The following ATG16L1 variants were observed in gnomAD, a reference collection of about 807,000 sequenced individuals.
ATG16L1 encodes autophagy-related protein 16-1.
ATG16L1 carries 37 observed loss-of-function variants against 88.5 expected under a neutral mutation model. The ratio of observed to expected loss-of-function variants is 0.42; its 90% CI spans 0.32 to 0.55. The LOEUF is 0.55. Among genes scored for constraint, ATG16L1 ranks in the 20% least tolerant of loss-of-function variants. The probability of loss-of-function intolerance (pLI) is 0.13; values close to 1 mark genes in which losing one functional copy is unlikely to be tolerated. For missense variants in ATG16L1, 554 were observed against 752.8 expected (o/e 0.74, Z 3.09); for synonymous variants, 301 against 281.0 (o/e 1.07, Z -0.71).
At chr2:233,278,619 A>C (rs1394432419) in intron 10 of ATG16L1, among the ~76,000 whole-genome samples, 1 of 152,200 alleles carries the variant, frequency 6.6e-6, no homozygotes, top group Non-Finnish European at 1.5e-5. Flanking sequence ...GAGTGGTGGA[A>C]CTAGGACTAA....
At chr2:233,253,836 G>T (rs2125191311) in intron 1 of ATG16L1, among the ~76,000 whole-genome samples, 1 of 152,308 alleles carries the variant, frequency 6.6e-6, no homozygotes, top group East Asian at 1.9e-4. Context: ...AGCACAAGAA[G>T]TCCCTCTTCC....
intron 2 of ATG16L1, 61 bp from the exon 3 acceptor site, chr2:233,263,069 T>G: frequency 7.1e-7 from 1 of 1,410,590 alleles, no homozygotes. Context: ...AGGTTTGGAG[T>G]CTCATTTTTC....
At chr2:233,262,390 A>G (rs538717860) in intron 2 of ATG16L1, among the ~76,000 whole-genome samples, 36 of 152,288 alleles carry the variant, frequency 2.4e-4, no homozygotes, top group African/African-American at 8.4e-4. Flanking sequence ...GCCCTCCAGC[A>G]GCTTCCCTTC....
At chr2:233,286,621 C>CTTTTTTTTTTTTTTTTT (rs10676895) in intron 12 of ATG16L1, among the ~76,000 whole-genome samples, 22 of 93,296 alleles carry the variant, frequency 2.4e-4, no homozygotes, top group African/African-American at 1.0e-3. Flanking sequence ...GAAGCCCAAA[C>CTTTTTTTTTTTTTTTTT]TTTTTTTTTT....
At chr2:233,284,628 A>G (rs7595856) in intron 12 of ATG16L1, among the ~76,000 whole-genome samples, 42,065 of 152,002 alleles carry the variant, frequency 0.28, 6,915 homozygotes, top group African/African-American at 0.46. Flanking sequence ...CACTGCGCCT[A>G]GCCCAATTTT....
Position 233,294,412 on chromosome 2 carries a change from C to G in ATG16L1, c.*62C>G. On this transcript the variant is annotated 3_prime_UTR_variant, in exon 18 of 18. Coordinates refer to ENST00000392017, the MANE Select transcript of ATG16L1 (RefSeq NM_030803.7). ...CTCAGAAGAAGCACATGGGCTCCTGCAGCCCTGTCCTGGCAGGTGATGTGC... is the reference window on the plus strand; with the variant it reads ...CTCAGAAGAAGCACATGGGCTCCTGGAGCCCTGTCCTGGCAGGTGATGTGC... The G allele has an allele frequency of 3.0e-6, 4 of 1,350,852 alleles. No homozygotes were observed. Among genetic ancestry groups the G allele is most frequent in the South Asian group, 1.2e-5 (1 of 82,834 alleles). 83.7% of individuals were successfully genotyped at this position (1,350,852 alleles called of 1,614,324 possible). A position where few individuals can be genotyped will look rare whatever the true frequency, so the allele number is the denominator to read the frequency against.
chr2:233,273,373 T>C, intron 7 of ATG16L1: 2 of 490,672 alleles, frequency 4.1e-6, no homozygotes, highest in East Asian at 3.4e-5. Flanking sequence ...TACTAGGGCT[T>C]CCCCCCGCCC....
At chr2:233,271,883 T>G (rs967136932) in intron 6 of ATG16L1, among the ~76,000 whole-genome samples, 26 of 152,350 alleles carry the variant, frequency 1.7e-4, no homozygotes, top group African/African-American at 6.3e-4. Context: ...CTTGTCCTTT[T>G]TCTTTCGACC....
At chr2:233,270,336 A>G (rs1277788370) in intron 6 of ATG16L1, among the ~76,000 whole-genome samples, 2 of 152,160 alleles carry the variant, frequency 1.3e-5, no homozygotes, top group African/African-American at 4.8e-5. Context: ...TATCATTTTA[A>G]TTGTATTTTG....
rs778774063 is a variant in ATG16L1 at position 233,294,395 on chromosome 2, A to C, written c.*45A>C. 2.0e-6 allele frequency: 3 copies of C among 1,504,856 alleles called. No individual in the cohort carries two copies. The highest frequency in any genetic ancestry group is 2.3e-5 in the East Asian group (1 of 44,208). The allele number at this position is 1,504,856 out of a possible 1,614,324, so 93.2% of individuals were successfully genotyped here. ...AGGACCCCAGTGCCCTCCTCAGAAG[A>C]AGCACATGGGCTCCTGCAGCCCTGT... On this transcript the variant is annotated 3_prime_UTR_variant, in exon 18 of 18. Coordinates refer to ENST00000392017, the MANE Select transcript of ATG16L1 (RefSeq NM_030803.7).
chr2:233,260,910 C>T (rs1055267818), intron 2 of ATG16L1, among the ~76,000 whole-genome samples: 2 of 152,144 alleles, frequency 1.3e-5, no homozygotes, highest in South Asian at 4.1e-4. Flanking sequence ...TTAACACTTT[C>T]CATCGTCACT....
chr2:233,271,309 A>G (rs1250395229), intron 6 of ATG16L1, among the ~76,000 whole-genome samples: 1 of 151,946 alleles, frequency 6.6e-6, no homozygotes, highest in Non-Finnish European at 1.5e-5. Context: ...ATGGAGTTTC[A>G]CTCTTGTGGC....
chr2:233,252,996 A>G (rs907494902), intron 1 of ATG16L1, among the ~76,000 whole-genome samples: 2 of 152,196 alleles, frequency 1.3e-5, no homozygotes, highest in Admixed American at 6.5e-5. Flanking sequence ...AGAATCACCT[A>G]TGGATCTTTA....
rs146373997 is a variant in ATG16L1 at position 233,264,906 on chromosome 2, T to C, written c.404T>C (p.Leu135Ser). 2 of 1,613,952 alleles carry C rather than the reference T, an allele frequency of 1.2e-6. No homozygotes were observed. Among genetic ancestry groups the C allele is most frequent in the South Asian group, 1.1e-5 (1 of 91,076 alleles). Reference sequence around the variant, plus strand: ...CATGCTTCCAGAATTGCAGAATGTTTGCAGACTATCTCTGACCTGGAGACG... The same window carrying C: ...CATGCTTCCAGAATTGCAGAATGTTCGCAGACTATCTCTGACCTGGAGACG... ...QMNEAKIAEC[L>S]QTISDLETEC... The change falls in exon 5 of 18, where the codon TTG (leucine) becomes TCG (serine). Residue 135 changes from leucine to serine, a missense_variant. By Grantham distance (145) the Leu-to-Ser change is moderately radical. Around this residue, in one of 5 missense-constraint regions of ATG16L1, gnomAD observed 50 missense variants for 49.4 expected, o/e 1.01. Coordinates refer to ENST00000392017, the MANE Select transcript of ATG16L1 (RefSeq NM_030803.7).
chr2:233,264,801 A>G, intron 4 of ATG16L1, 91 bp from the exon 5 acceptor site: 1 of 1,521,670 alleles, frequency 6.6e-7, no homozygotes, highest in Non-Finnish European at 8.9e-7. Context: ...GTTGTAACAG[A>G]CACAAAGTGT....
At chr2:233,272,547 A>AG (rs1698064751) in intron 6 of ATG16L1, among the ~76,000 whole-genome samples, 1 of 152,164 alleles carries the variant, frequency 6.6e-6, no homozygotes, top group African/African-American at 2.4e-5. Flanking sequence ...TAACTACCCT[A>AG]GGTACCCCTC....
chr2:233,260,394 A>G (rs943138483), intron 2 of ATG16L1, among the ~76,000 whole-genome samples: 10 of 152,198 alleles, frequency 6.6e-5, no homozygotes, highest in Non-Finnish European at 1.2e-4. Context: ...GTTTTCAGAA[A>G]TGCTTTAGCT....
chr2:233,291,063 G>C (rs925910902), intron 14 of ATG16L1, among the ~76,000 whole-genome samples: 1 of 152,190 alleles, frequency 6.6e-6, no homozygotes, highest in African/African-American at 2.4e-5. Context: ...GTGGAGGAGA[G>C]AATCTATTTG....
chr2:233,274,872 C>T, intron 9 of ATG16L1, 94 bp downstream of exon 9: 1 of 842,932 alleles, frequency 1.2e-6, no homozygotes, highest in East Asian at 2.7e-5. Flanking sequence ...GCTAAGCATT[C>T]CATTGTTTTA....
Sources: gnomAD v4.1 joint callset for allele counts (sites outside exome capture counted in the v4.1 genomes callset) on GRCh38, gnomAD v4.1.1 for gene constraint, gnomAD v4.1.1 regional missense constraint, MANE v1.5 for transcripts, NCBI Gene and HGNC (gene_info 2026-07-23, HGNC 2026-07-21) for gene names.